CSMD1: variants seen among roughly 807,000 people sequenced by gnomAD.
The protein encoded by CSMD1 is CUB and Sushi multiple domains 1.
CSMD1 carries 213 observed loss-of-function variants against 417.5 expected under a neutral mutation model. The observed-to-expected ratio is 0.51, with a 90% CI of 0.46 to 0.57. The LOEUF (loss-of-function observed/expected upper bound fraction) is 0.57, where lower values mean the gene tolerates loss of function less well. CSMD1 is among the 20% of genes least tolerant of loss of function. The pLI, the probability that CSMD1 is intolerant of heterozygous loss-of-function variation, is 0.00. For missense variants in CSMD1, 6,923 were observed against 4,529.7 expected, an observed-to-expected ratio of 1.53 and a Z score of -15.17; for synonymous variants, 2,862 against 1,736.8, an observed-to-expected ratio of 1.65 and a Z score of -16.11.
intron 3 of CSMD1, among the ~76,000 whole-genome samples, chr8:4,182,198 G>C (rs973182114): frequency 2.0e-5 from 3 of 151,992 alleles, no homozygotes; most frequent in Non-Finnish European, 4.4e-5. Flanking sequence ...TAGGTTCTGT[G>C]TTTCATTCTC....
chr8:3,417,937 C>T (rs758731331), intron 12 of CSMD1, among the ~76,000 whole-genome samples: 2 of 152,182 alleles, frequency 1.3e-5, no homozygotes, highest in Non-Finnish European at 2.9e-5. Context: ...CTTGGACAGA[C>T]ATGGAGCCTC....
intron 1 of CSMD1, among the ~76,000 whole-genome samples, chr8:4,667,860 T>C (rs1805037749): frequency 6.6e-6 from 1 of 152,200 alleles, no homozygotes; most frequent in South Asian, 2.1e-4. Flanking sequence ...TTTTCTAGCC[T>C]TAATGCACGG....
At chr8:3,597,250 T>C (rs1295846406) in intron 8 of CSMD1, among the ~76,000 whole-genome samples, 2 of 152,070 alleles carry the variant, frequency 1.3e-5, no homozygotes, top group Non-Finnish European at 2.9e-5. Flanking sequence ...ACCCAGGCTG[T>C]CTAGAGGCAC....
chr8:4,349,559 G>C (rs1038164197), intron 3 of CSMD1, among the ~76,000 whole-genome samples: 9 of 151,922 alleles, frequency 5.9e-5, no homozygotes, highest in Non-Finnish European at 1.2e-4. Context: ...TTTTATATTA[G>C]GTGACATAGA....
chr8:3,066,603 C>T (rs544871947), intron 49 of CSMD1, among the ~76,000 whole-genome samples: 1 of 152,114 alleles, frequency 6.6e-6, no homozygotes, highest in Non-Finnish European at 1.5e-5. Flanking sequence ...TACAGACAGA[C>T]AAGAGAGTAA....
chr8:3,258,101 T>C (rs1800793074), intron 26 of CSMD1, among the ~76,000 whole-genome samples: 3 of 152,120 alleles, frequency 2.0e-5, no homozygotes, highest in African/African-American at 7.2e-5. Context: ...ATAAGGTTTC[T>C]GGATGGGCTG....
In CSMD1 at chr8:4,212,045, T is replaced by TA. The variant is rs940240465; in HGVS notation, c.416-179947dup. Among the ~76,000 whole-genome samples the TA allele has an allele frequency of 1.5e-3, 224 of 152,138 alleles. 1 individual carries two copies. The highest frequency in any genetic ancestry group is 5.1e-3 in the African/African-American group (210 of 41,538). On this transcript the variant is annotated intron_variant, in intron 3 of 69. Transcript: ENST00000635120. The stretch of plus-strand genomic sequence containing the variant: ...CAGCTGTAATGCAATAAAAGGACCT[T>TA]AATAATTCCTTTTCAACTGTAAGAA...
intron 39 of CSMD1, among the ~76,000 whole-genome samples, chr8:3,156,657 T>C (rs1029132420): frequency 3.9e-5 from 6 of 152,040 alleles, no homozygotes; most frequent in Non-Finnish European, 4.4e-5. Flanking sequence ...TTTAATGCAA[T>C]ATTTGGAAAA....
At chr8:3,980,807 G>C (rs554068787) in intron 5 of CSMD1, among the ~76,000 whole-genome samples, 3 of 152,068 alleles carry the variant, frequency 2.0e-5, no homozygotes, top group Admixed American at 1.3e-4. Flanking sequence ...ATACCCCTTG[G>C]CCAACCACTA....
chr8:4,085,634 G>GA lies in CSMD1; in HGVS notation c.416-53536dup, dbSNP rs751348923. On this transcript the variant is annotated intron_variant, in intron 3 of 69. Transcript: ENST00000635120. ...GAACCTCACGGGAACTGTGCTAAGT[G>GA]AAAAAAACCAGCCCTAGGTTTTTGC... Among the ~76,000 whole-genome samples the GA allele has an allele frequency of 3.9e-5, 6 of 152,184 alleles. No homozygotes were observed. In the East Asian group the frequency reaches 5.8e-4, roughly 15 times the overall value.
intron 12 of CSMD1, among the ~76,000 whole-genome samples, chr8:3,467,955 A>C (rs1341339816): frequency 6.6e-6 from 1 of 152,252 alleles, no homozygotes; most frequent in African/African-American, 2.4e-5. Flanking sequence ...ACAGCTCCAG[A>C]TAAATATTCT....
chr8:3,313,929 A>G (rs1805555099), intron 23 of CSMD1, among the ~76,000 whole-genome samples: 2 of 152,234 alleles, frequency 1.3e-5, no homozygotes. Flanking sequence ...ACCATGGAAT[A>G]CTATGCAGCC....
intron 11 of CSMD1, among the ~76,000 whole-genome samples, chr8:3,492,631 G>T (rs1003254960): frequency 6.6e-6 from 1 of 152,148 alleles, no homozygotes; most frequent in Non-Finnish European, 1.5e-5. Flanking sequence ...TGATAAAATG[G>T]ACAAAAACTG....
intron 3 of CSMD1, among the ~76,000 whole-genome samples, chr8:4,228,309 A>C (rs572118628): frequency 4.6e-5 from 7 of 152,270 alleles, no homozygotes; most frequent in African/African-American, 1.7e-4. Flanking sequence ...AACTCTTTGA[A>C]ATAGGTGTTT....
intron 10 of CSMD1, among the ~76,000 whole-genome samples, chr8:3,541,423 G>A (rs1240025505): frequency 6.6e-6 from 1 of 151,956 alleles, no homozygotes. Context: ...TAATACGTGT[G>A]GGGCTTAATA....
At chr8:3,445,929 C>T (rs1371475273) in intron 12 of CSMD1, among the ~76,000 whole-genome samples, 1 of 152,084 alleles carries the variant, frequency 6.6e-6, no homozygotes, top group Non-Finnish European at 1.5e-5. Flanking sequence ...GAAGATTGTA[C>T]AGAGAGACAG....
At chr8:4,550,952 T>C (rs1797844041) in intron 2 of CSMD1, among the ~76,000 whole-genome samples, 1 of 152,168 alleles carries the variant, frequency 6.6e-6, no homozygotes, top group Admixed American at 6.5e-5. Context: ...CTATGAGCAT[T>C]TCAACGAATT....
At chr8:3,268,956 T>A (rs1410482494) in intron 26 of CSMD1, among the ~76,000 whole-genome samples, 2 of 152,194 alleles carry the variant, frequency 1.3e-5, no homozygotes, top group African/African-American at 4.8e-5. Flanking sequence ...GATATTCTAT[T>A]GAGTAATAAG....
intron 3 of CSMD1, among the ~76,000 whole-genome samples, chr8:4,110,397 G>A (rs781202918): frequency 9.9e-5 from 15 of 152,060 alleles, no homozygotes; most frequent in Admixed American, 2.6e-4. Flanking sequence ...CCAGCAGAAA[G>A]AGTCAAAAAT....
Sources: gnomAD v4.1 joint callset for allele counts (sites outside exome capture counted in the v4.1 genomes callset) on GRCh38, gnomAD v4.1.1 for gene constraint, MANE v1.5 for transcripts, NCBI Gene and HGNC (gene_info 2026-07-23, HGNC 2026-07-21) for gene names.